CSMD2: variants seen among roughly 807,000 people sequenced by gnomAD.
The protein encoded by CSMD2 is CUB and Sushi multiple domains 2, also known as CUB and sushi domain-containing protein 2.
A neutral mutation model predicts 398.5 loss-of-function variants in CSMD2; 130 were observed. The observed-to-expected ratio is 0.33, with a 90% CI of 0.28 to 0.38. The LOEUF (loss-of-function observed/expected upper bound fraction) is 0.38. Among genes scored for constraint, CSMD2 ranks in the 10% least tolerant of loss-of-function variants. The pLI is 1.00. For missense variants in CSMD2, 3,829 were observed against 4,764.9 expected (o/e 0.80, Z 5.78); for synonymous variants, 1,828 against 1,908.5 (o/e 0.96, Z 1.10).
intron 3 of CSMD2, among the ~76,000 whole-genome samples, chr1:33,936,339 T>C (rs1048345079): frequency 6.6e-5 from 10 of 152,174 alleles, no homozygotes; most frequent in Non-Finnish European, 1.2e-4. Flanking sequence ...CCTCACTAAA[T>C]ACCATGGAAG....
intron 2 of CSMD2, among the ~76,000 whole-genome samples, chr1:34,040,760 T>G (rs1363423461): frequency 6.6e-6 from 1 of 152,168 alleles, no homozygotes; most frequent in African/African-American, 2.4e-5. Flanking sequence ...AAAAGCAGAC[T>G]GCTTCGAACA....
chr1:33,796,333 C>T (rs150238846), intron 10 of CSMD2, among the ~76,000 whole-genome samples: 2 of 152,226 alleles, frequency 1.3e-5, no homozygotes, highest in African/African-American at 4.8e-5. Flanking sequence ...GAGGGACCAG[C>T]TGGAGCTGTG....
chr1:33,640,119 G>GC (rs1419485626), intron 29 of CSMD2, among the ~76,000 whole-genome samples: 1 of 152,164 alleles, frequency 6.6e-6, no homozygotes, highest in Non-Finnish European at 1.5e-5. Context: ...TAAAACCCAA[G>GC]CCCTTCAAAA....
At chr1:33,572,330 A>G (rs1384891997) in intron 50 of CSMD2, among the ~76,000 whole-genome samples, 176 bp downstream of exon 50, 1 of 151,942 alleles carries the variant, frequency 6.6e-6, no homozygotes, top group Non-Finnish European at 1.5e-5. Context: ...ATGGTTATCA[A>G]TGCTGAGAGC....
rs914840910 is a variant in CSMD2 at position 34,164,293 on chromosome 1, G to A, written c.187+618C>T. On this transcript the variant is annotated intron_variant, in intron 1 of 70. Transcript: ENST00000373381. This position sits in a 1 kb window ranked among gnomAD's most constrained non-coding sequence, Gnocchi z 6.2. ...GGAATGCGCGGGACCCCCACCGTGG[G>A]CACGCGTCCACCTGAACCCCCTCCT... Among the ~76,000 whole-genome samples, 3 of 152,050 alleles carry A rather than the reference G, an allele frequency of 2.0e-5. No individual in the cohort carries two copies. The highest frequency in any genetic ancestry group is 4.4e-5 in the Non-Finnish European group (3 of 67,984).
intron 1 of CSMD2, among the ~76,000 whole-genome samples, chr1:34,132,755 A>G (rs1615596): frequency 0.37 from 56,179 of 151,984 alleles, 11,492 homozygotes; most frequent in East Asian, 0.68. Context: ...CCTAATTTTA[A>G]GGCTTTCACA....
chr1:33,781,286 C>T (rs1030737759), intron 12 of CSMD2, among the ~76,000 whole-genome samples: 2 of 152,246 alleles, frequency 1.3e-5, no homozygotes, highest in Non-Finnish European at 2.9e-5. Context: ...GTCTCAGTTT[C>T]AGACATCACC....
intron 7 of CSMD2, among the ~76,000 whole-genome samples, chr1:33,824,887 C>T (rs972270337): frequency 2.0e-5 from 3 of 151,982 alleles, no homozygotes; most frequent in African/African-American, 7.2e-5. Context: ...AGGAAGGCTC[C>T]CTACCACTCG....
At chr1:34,109,281 A>C (rs756808947) in intron 1 of CSMD2, among the ~76,000 whole-genome samples, 1 of 152,096 alleles carries the variant, frequency 6.6e-6, no homozygotes, top group Non-Finnish European at 1.5e-5. Context: ...CCCCAACTAC[A>C]CGTTTGAATT....
At chr1:33,987,978 C>A (rs956547483) in intron 3 of CSMD2, among the ~76,000 whole-genome samples, 2 of 152,194 alleles carry the variant, frequency 1.3e-5, no homozygotes, top group Non-Finnish European at 2.9e-5. Flanking sequence ...CTCACTCCCC[C>A]AAATCCAGTA....
At chr1:34,053,455 G>A (rs188168823) in intron 2 of CSMD2, among the ~76,000 whole-genome samples, 6 of 152,218 alleles carry the variant, frequency 3.9e-5, no homozygotes, top group African/African-American at 9.6e-5. Context: ...ACACAAGAAA[G>A]CTCCAAGGAA....
chr1:33,894,646 A>G (rs532495258), intron 5 of CSMD2, among the ~76,000 whole-genome samples: 3 of 152,102 alleles, frequency 2.0e-5, no homozygotes, highest in Non-Finnish European at 4.4e-5. Flanking sequence ...TCCCTGTATT[A>G]TGTCCCTCTT....
rs185098268 is a variant in CSMD2, at chr1:34,082,242, G to A, written c.404+6735C>T. On this transcript the variant is annotated intron_variant, in intron 2 of 70. Coordinates refer to ENST00000373381, the MANE Select transcript of CSMD2 (RefSeq NM_001281956.2). ...AAGTGAGGAGCGCCTCTGCCCGGCCGCGACCCCGTCTGGGAACTGAGGAGC... is the reference window on the plus strand; with the variant it reads ...AAGTGAGGAGCGCCTCTGCCCGGCCACGACCCCGTCTGGGAACTGAGGAGC... Among the ~76,000 whole-genome samples, 298 of 147,802 alleles carry A rather than the reference G, an allele frequency of 2.0e-3. 4 individuals are homozygous for A. The highest frequency in any genetic ancestry group is 0.011 in the Admixed American group (171 of 14,944).
chr1:34,156,735 T>C (rs1001184555), intron 1 of CSMD2, among the ~76,000 whole-genome samples: 1 of 152,194 alleles, frequency 6.6e-6, no homozygotes, highest in Non-Finnish European at 1.5e-5. Context: ...TTTCTCAGAG[T>C]AATTTGGTGC....
chr1:33,572,741 T>C, intron 49 of CSMD2, 50 bp from the exon 50 acceptor site: 4 of 1,450,324 alleles, frequency 2.8e-6, no homozygotes, highest in Non-Finnish European at 3.7e-6. Context: ...GATGGTATTC[T>C]GAGAAACTAT....
intron 28 of CSMD2, among the ~76,000 whole-genome samples, chr1:33,651,927 G>T (rs753393716): frequency 6.6e-6 from 1 of 151,988 alleles, no homozygotes; most frequent in Non-Finnish European, 1.5e-5. Flanking sequence ...GCTAGATTGG[G>T]GGGGGTGCCT....
At chr1:33,973,355 G>A (rs1645841665) in intron 3 of CSMD2, among the ~76,000 whole-genome samples, 1 of 152,220 alleles carries the variant, frequency 6.6e-6, no homozygotes, top group Admixed American at 6.5e-5. Flanking sequence ...TCCTGCACAG[G>A]AGATGGGGTC....
chr1:33,790,839 ATCT>A, intron 11 of CSMD2, among the ~76,000 whole-genome samples: 1 of 147,748 alleles, frequency 6.8e-6, no homozygotes, highest in Admixed American at 7.0e-5. Flanking sequence ...CTATCTATCT[ATCT>A]ATCATCTATC....
At chr1:34,111,189 G>C (rs1353932170) in intron 1 of CSMD2, among the ~76,000 whole-genome samples, 1 of 152,200 alleles carries the variant, frequency 6.6e-6, no homozygotes, top group East Asian at 1.9e-4. Context: ...TTGGTTGAAT[G>C]AATGAACAAA....
Sources: gnomAD v4.1 joint callset for allele counts (sites outside exome capture counted in the v4.1 genomes callset) on GRCh38, gnomAD v4.1.1 for gene constraint, Gnocchi (gnomAD v3.1) non-coding constraint, MANE v1.5 for transcripts, NCBI Gene and HGNC (gene_info 2026-07-23, HGNC 2026-07-21) for gene names.